COL27A1: variants seen among roughly 807,000 people sequenced by gnomAD.
The protein encoded by COL27A1 is collagen alpha-1(XXVII) chain.
COL27A1 carries 106 observed loss-of-function variants against 251.3 expected under a neutral mutation model. The ratio of observed to expected loss-of-function variants is 0.42; its 90% CI spans 0.36 to 0.50. COL27A1 has a LOEUF of 0.50. Ranked by LOEUF, COL27A1 falls within the 20% of genes least tolerant of loss-of-function variation. COL27A1 has a pLI of 0.00. For synonymous variants in COL27A1, 1,000 were observed against 986.3 expected, an observed-to-expected ratio of 1.01 and a Z score of -0.26; for missense variants, 2,325 against 2,522.8, an observed-to-expected ratio of 0.92 and a Z score of 1.68.
Position 114,168,330 on chromosome 9 carries a change from A to G in COL27A1, c.775A>G (p.Thr259Ala), listed in dbSNP as rs749690330. 4 of 1,612,958 alleles carry G rather than the reference A, an allele frequency of 2.5e-6. No homozygotes were observed. Among genetic ancestry groups the G allele is most frequent in the Middle Eastern group, 1.6e-4 (1 of 6,084 alleles). ...LFSQDSGRPF[T>A]FQSDLALLGL... ...CTCCCAAGACTCTGGCAGACCTTTT[A>G]CCTTCCAGTCCGACCTCGCCCTGCT... Residue 259 changes from threonine (T) to alanine (A), a missense_variant, in exon 3 of 61, where the codon ACC (threonine) becomes GCC (alanine). Around this residue, in one of 4 missense-constraint regions of COL27A1, gnomAD observed 1,183 missense variants for 1,144.1 expected, o/e 1.03. Coordinates refer to ENST00000356083, the MANE Select transcript of COL27A1 (RefSeq NM_032888.4).
intron 5 of COL27A1, among the ~76,000 whole-genome samples, chr9:114,189,926 A>G (rs534648535): frequency 1.3e-5 from 2 of 152,300 alleles, no homozygotes; most frequent in Admixed American, 6.5e-5. Context: ...ATAGATAGGC[A>G]TTCACATTAT....
At chr9:114,179,467 G>A (rs540699173) in intron 4 of COL27A1, among the ~76,000 whole-genome samples, 3 of 152,296 alleles carry the variant, frequency 2.0e-5, no homozygotes, top group East Asian at 3.9e-4. Context: ...AAGCCTCTGC[G>A]GTTTTGCTCT....
chr9:114,162,110 C>A (rs899722797), intron 1 of COL27A1, among the ~76,000 whole-genome samples: 1 of 152,248 alleles, frequency 6.6e-6, no homozygotes, highest in Non-Finnish European at 1.5e-5. Flanking sequence ...TGTTTTCTTT[C>A]TCCCACTTTC....
chr9:114,300,418 G>A (rs1049542648), intron 50 of COL27A1: 160 of 580,642 alleles, frequency 2.8e-4, no homozygotes, highest in Non-Finnish European at 4.1e-4. Context: ...TAAAGACCAG[G>A]GGCATATGCC....
intron 13 of COL27A1, among the ~76,000 whole-genome samples, chr9:114,220,375 C>T (rs945074929): frequency 6.6e-6 from 1 of 152,192 alleles, no homozygotes; most frequent in African/African-American, 2.4e-5. Context: ...TTTCCCTTCC[C>T]AGCTCCAGGC....
rs1280165160 is a variant in COL27A1, at chr9:114,290,391, T to C, written c.4368+60T>C. On this transcript the variant is annotated intron_variant, in intron 47 of 60. Coordinates refer to ENST00000356083, the MANE Select transcript of COL27A1 (RefSeq NM_032888.4). The surrounding 1 kb of genome is among the most constrained non-coding windows in gnomAD (Gnocchi z 4.6). The stretch of plus-strand genomic sequence containing the variant: ...CATTTGGGACCAGGTGTAGGGGAAC[T>C]TCCCCAGGCCATGGGCCAGAGGAGC... 7.1e-7 allele frequency: 1 copy of C among 1,415,066 alleles called. No homozygotes were observed. Among genetic ancestry groups the C allele is most frequent in the Admixed American group, 2.0e-5 (1 of 50,842 alleles). The allele number at this position is 1,415,066 out of a possible 1,614,324, so 87.7% of individuals were successfully genotyped here.
chr9:114,221,636 A>G (rs920224646), intron 13 of COL27A1, among the ~76,000 whole-genome samples: 3 of 152,132 alleles, frequency 2.0e-5, no homozygotes, highest in African/African-American at 7.2e-5. Context: ...GTATAGGGGG[A>G]TAAATCACAC....
At chr9:114,166,430 T>C (rs1214387771) in intron 2 of COL27A1, among the ~76,000 whole-genome samples, 2 of 146,944 alleles carry the variant, frequency 1.4e-5, no homozygotes, top group Admixed American at 6.9e-5. Flanking sequence ...CATTCATCCA[T>C]CCATCCATTC....
At chr9:114,177,686 G>A (rs899291256) in intron 3 of COL27A1, among the ~76,000 whole-genome samples, 1 of 152,168 alleles carries the variant, frequency 6.6e-6, no homozygotes, top group Non-Finnish European at 1.5e-5. Flanking sequence ...TTTTGTCAGC[G>A]GCAGGCAGGG....
chr9:114,191,709 T>A (rs763561313), intron 5 of COL27A1, among the ~76,000 whole-genome samples: 1 of 152,232 alleles, frequency 6.6e-6, no homozygotes, highest in Non-Finnish European at 1.5e-5. Flanking sequence ...CTATTGTAAA[T>A]AGTGCTGCAA....
At chr9:114,253,408 C>A (rs1403792528) in intron 27 of COL27A1, among the ~76,000 whole-genome samples, 1 of 131,974 alleles carries the variant, frequency 7.6e-6, no homozygotes, top group African/African-American at 2.8e-5. Context: ...GGAAAAAAGA[C>A]AGAAAGAAGA....
rs776169102 is a variant in COL27A1, at chr9:114,289,247, TCCGGGACCCCGGGGGTGG to T, written c.4168_4185del (p.Arg1390_Pro1395del). The T allele has an allele frequency of 1.3e-6, 2 of 1,591,156 alleles. No homozygotes were observed. Among genetic ancestry groups the T allele is most frequent in the Non-Finnish European group, 1.7e-6 (2 of 1,170,076 alleles). ...CATCTCACCTTGGTTTGCAGGGGCA[TCCGGGACCCCGGGGGTGG>T]CCGGGACCCAAAGGATCGAAAGGCG... On this transcript the variant is annotated inframe_deletion, in exon 45 of 61. Transcript: ENST00000356083.
At chr9:114,198,397 G>C (rs1829310630) in intron 7 of COL27A1, among the ~76,000 whole-genome samples, 1 of 152,190 alleles carries the variant, frequency 6.6e-6, no homozygotes, top group Admixed American at 6.5e-5. Context: ...GTTTTGGTTG[G>C]AGGGTGCAGT....
intron 29 of COL27A1, 80 bp downstream of exon 29, chr9:114,264,488 G>A: frequency 8.6e-7 from 1 of 1,157,564 alleles, no homozygotes; most frequent in Non-Finnish European, 1.2e-6. Flanking sequence ...CAGCTCCTCA[G>A]AACAATGCCC....
At position 114,162,457 on chromosome 9, in the gene COL27A1, C is replaced by T. The variant is rs150604294; in HGVS notation, c.63-258C>T. The stretch of plus-strand genomic sequence containing the variant: ...CTATGCACTGCTTCTTCCCCGTTGA[C>T]GTTGGCTAATTGATCTGTGAGAAGT... On this transcript the variant is annotated intron_variant, in intron 1 of 60. Transcript: ENST00000356083. 1.5e-3 allele frequency among the ~76,000 whole-genome samples: 228 copies of T among 152,306 alleles called. 2 individuals carry two copies. The South Asian group carries it at 0.026, about 17-fold the overall frequency.
intron 59 of COL27A1, among the ~76,000 whole-genome samples, 171 bp from the exon 60 acceptor site, chr9:114,309,089 C>T (rs572735173): frequency 1.2e-4 from 19 of 152,154 alleles, no homozygotes; most frequent in Admixed American, 3.9e-4. Flanking sequence ...GACCAGCTCA[C>T]GCAGACCTCA....
chr9:114,222,460 G>T (rs1831188150), intron 14 of COL27A1, among the ~76,000 whole-genome samples, 193 bp downstream of exon 14: 1 of 151,982 alleles, frequency 6.6e-6, no homozygotes, highest in Non-Finnish European at 1.5e-5. Flanking sequence ...GGTGGGTAGG[G>T]GAGGGCGGGC....
At chr9:114,192,062 G>A (rs750480315) in intron 5 of COL27A1, among the ~76,000 whole-genome samples, 2 of 152,162 alleles carry the variant, frequency 1.3e-5, no homozygotes, top group Admixed American at 6.5e-5. Flanking sequence ...TATCATACTC[G>A]GGCAGGCATT....
At chr9:114,185,207 C>T (rs942642295) in intron 5 of COL27A1, among the ~76,000 whole-genome samples, 1 of 152,226 alleles carries the variant, frequency 6.6e-6, no homozygotes, top group Non-Finnish European at 1.5e-5. Flanking sequence ...CCTGCCACCA[C>T]ATGGAGCTGG....
Sources: gnomAD v4.1 joint callset for allele counts (sites outside exome capture counted in the v4.1 genomes callset) on GRCh38, gnomAD v4.1.1 for gene constraint, gnomAD v4.1.1 regional missense constraint, Gnocchi (gnomAD v3.1) non-coding constraint, MANE v1.5 for transcripts, NCBI Gene and HGNC (gene_info 2026-07-23, HGNC 2026-07-21) for gene names.